The following DYTN variants were observed in gnomAD, a reference collection of about 807,000 sequenced individuals.
DYTN encodes dystrotelin.
In DYTN, 75 loss-of-function variants were observed where a neutral mutation model predicts 69.6. The ratio of observed to expected loss-of-function variants is 1.08; its 90% CI spans 0.89 to 1.31. The LOEUF (loss-of-function observed/expected upper bound fraction) is 1.31. Ranked by LOEUF, DYTN falls within the 50% of genes most tolerant of loss-of-function variation. The pLI, the probability that DYTN is intolerant of heterozygous loss-of-function variation, is 0.00. For missense variants in DYTN, 726 were observed against 688.4 expected, an observed-to-expected ratio of 1.05 and a Z score of -0.61; for synonymous variants, 252 against 249.1, an observed-to-expected ratio of 1.01 and a Z score of -0.11.
chr2:206,655,009 T>C (rs778770723), intron 11 of DYTN, among the ~76,000 whole-genome samples: 2 of 152,180 alleles, frequency 1.3e-5, no homozygotes, highest in Non-Finnish European at 2.9e-5. Context: ...TCCAGTACTA[T>C]GTTGAATAGA....
At chr2:206,674,790 AT>A (rs1344351686) in intron 9 of DYTN, among the ~76,000 whole-genome samples, 2 of 152,122 alleles carry the variant, frequency 1.3e-5, no homozygotes, top group South Asian at 2.1e-4. Flanking sequence ...TAAGAAAAAA[AT>A]GTTTGAAAAT....
chr2:206,690,261 C>T (rs184229427), intron 9 of DYTN, among the ~76,000 whole-genome samples: 1 of 152,224 alleles, frequency 6.6e-6, no homozygotes, highest in African/African-American at 2.4e-5. Context: ...GAGGTGGCAG[C>T]ATGCCTGGTG....
At chr2:206,683,888 G>T (rs1012665471) in intron 9 of DYTN, among the ~76,000 whole-genome samples, 2 of 151,760 alleles carry the variant, frequency 1.3e-5, no homozygotes, top group African/African-American at 4.8e-5. Flanking sequence ...TCTCACTGAG[G>T]TCCGCTATAA....
chr2:206,653,847 A>T (rs1249224491), intron 11 of DYTN, among the ~76,000 whole-genome samples: 1 of 152,166 alleles, frequency 6.6e-6, no homozygotes, highest in Admixed American at 6.5e-5. Context: ...AGCTTTCCCC[A>T]TTGCAGTAAG....
chr2:206,662,578 G>C (rs937748679), intron 11 of DYTN, among the ~76,000 whole-genome samples: 1 of 151,602 alleles, frequency 6.6e-6, no homozygotes, highest in Non-Finnish European at 1.5e-5. Flanking sequence ...GACATAGGCT[G>C]CCCAGTTATA....
chr2:206,680,986 G>A (rs1436199404), intron 9 of DYTN, among the ~76,000 whole-genome samples: 1 of 152,104 alleles, frequency 6.6e-6, no homozygotes, highest in Non-Finnish European at 1.5e-5. Context: ...CTATTTTCAC[G>A]ATATTGGTTC....
At chr2:206,709,552 G>T (rs377447550) in intron 2 of DYTN, among the ~76,000 whole-genome samples, 1 of 151,978 alleles carries the variant, frequency 6.6e-6, no homozygotes, top group Non-Finnish European at 1.5e-5. Context: ...TCTTTGAATC[G>T]TCCCACCTTG....
chr2:206,658,750 A>C (rs1388146460), intron 11 of DYTN, among the ~76,000 whole-genome samples: 2 of 152,216 alleles, frequency 1.3e-5, no homozygotes, highest in African/African-American at 4.8e-5. Flanking sequence ...TGGAAAAGCT[A>C]TGATAAGTGT....
chr2:206,694,754 A>G lies in DYTN; in HGVS notation c.831+12T>C, dbSNP rs774080536. 6.3e-6 allele frequency: 10 copies of G among 1,588,934 alleles called. No individual in the cohort carries two copies. The highest frequency in any genetic ancestry group is 6.8e-6 in the Non-Finnish European group (8 of 1,170,546). On this transcript the variant is annotated intron_variant, in intron 8 of 11. Coordinates refer to ENST00000452335, the MANE Select transcript of DYTN (RefSeq NM_001093730.1). ...ATTAATGAATAGTTTGGTATGTGACATTAAATGTTACCTGAATGCAGTGCT... is the reference window on the plus strand; with the variant it reads ...ATTAATGAATAGTTTGGTATGTGACGTTAAATGTTACCTGAATGCAGTGCT...
At chr2:206,674,539 T>G (rs35127900) in intron 9 of DYTN, among the ~76,000 whole-genome samples, 14,934 of 152,134 alleles carry the variant, frequency 0.098, 905 homozygotes, top group Non-Finnish European at 0.14. Context: ...GATAAATTAT[T>G]TCAAACACAA....
At chr2:206,678,421 T>C (rs1699715556) in intron 9 of DYTN, among the ~76,000 whole-genome samples, 2 of 152,250 alleles carry the variant, frequency 1.3e-5, no homozygotes, top group African/African-American at 2.4e-5. Context: ...ATGTTTGTAC[T>C]TTTCATTCTT....
chr2:206,691,317 G>A (rs1699859334), intron 9 of DYTN, among the ~76,000 whole-genome samples: 1 of 152,072 alleles, frequency 6.6e-6, no homozygotes, highest in South Asian at 2.1e-4. Context: ...GGAGGCTGAG[G>A]CGGGAGAATT....
chr2:206,658,524 C>G (rs142237069), intron 11 of DYTN, among the ~76,000 whole-genome samples: 283 of 152,202 alleles, frequency 1.9e-3, no homozygotes, highest in African/African-American at 6.5e-3. Context: ...AACGTTCATA[C>G]TAGTCCCAGC....
intron 11 of DYTN, among the ~76,000 whole-genome samples, chr2:206,660,559 C>T (rs896497880): frequency 6.6e-6 from 1 of 152,154 alleles, no homozygotes; most frequent in East Asian, 1.9e-4. Context: ...AAAGTCCAAA[C>T]TTTTGGTGAA....
Position 206,694,922 on chromosome 2 carries a change from G to GAAGA in DYTN, c.720-46_720-45insTCTT, listed in dbSNP as rs1553575291. 1,934 of 714,076 alleles carry GAAGA rather than the reference G, an allele frequency of 2.7e-3. 11 individuals are homozygous for GAAGA. Among genetic ancestry groups the GAAGA allele is most frequent in the East Asian group, 0.019 (467 of 25,034 alleles). The allele number at this position is 714,076 out of a possible 1,614,324, so 44.2% of individuals were successfully genotyped here. A position where few individuals can be genotyped will look rare whatever the true frequency, so the allele number is the denominator to read the frequency against. ...CACAGCTTACGTCACTAGTAGATGAGAAAAAAAAAAAAAAAAGAATATCCA... is the reference window on the plus strand; with the variant it reads ...CACAGCTTACGTCACTAGTAGATGAGAAGAAAAAAAAAAAAAAAAAGAATATCCA... On this transcript the variant is annotated intron_variant, in intron 7 of 11. Transcript: ENST00000452335.
chr2:206,662,845 TA>T, intron 11 of DYTN, 57 bp downstream of exon 11: 2 of 1,545,626 alleles, frequency 1.3e-6, no homozygotes, highest in Non-Finnish European at 1.7e-6. Flanking sequence ...ATCAAGTTTT[TA>T]AAAAGGCAGC....
At chr2:206,673,915 T>C (rs1699654850) in intron 9 of DYTN, among the ~76,000 whole-genome samples, 1 of 152,250 alleles carries the variant, frequency 6.6e-6, no homozygotes, top group South Asian at 2.1e-4. Flanking sequence ...TTGTGTCTTC[T>C]TAAGGACATC....
Position 206,663,448 on chromosome 2 carries a change from C to A in DYTN, c.1141-53G>T, listed in dbSNP as rs1159602209. 7 of 1,485,358 alleles carry A rather than the reference C, an allele frequency of 4.7e-6. No homozygotes were observed. In the East Asian group the frequency reaches 1.4e-4, roughly 30 times the overall value. 92.0% of individuals were successfully genotyped at this position (1,485,358 alleles called of 1,614,324 possible). On this transcript the variant is annotated intron_variant, in intron 10 of 11. Coordinates refer to ENST00000452335, the MANE Select transcript of DYTN (RefSeq NM_001093730.1). ...GAAATTAATGTTTATCTTACTTTTTCATAAATGCATTACATTTCAACATTC... is the reference window on the plus strand; with the variant it reads ...GAAATTAATGTTTATCTTACTTTTTAATAAATGCATTACATTTCAACATTC...
At chr2:206,673,968 T>G (rs926481456) in intron 9 of DYTN, among the ~76,000 whole-genome samples, 8 of 152,224 alleles carry the variant, frequency 5.3e-5, no homozygotes, top group Admixed American at 2.0e-4. Context: ...AGCAATATAA[T>G]TTATACTATA....
Sources: allele counts gnomAD v4.1 joint callset (sites outside exome capture counted in the v4.1 genomes callset), GRCh38; gene constraint gnomAD v4.1.1; transcripts MANE v1.5; gene names NCBI Gene and HGNC (gene_info 2026-07-23, HGNC 2026-07-21).